The following COL4A2 variants were observed in gnomAD, a reference collection of about 807,000 sequenced individuals.
COL4A2 encodes the protein collagen alpha-2(IV) chain.
In COL4A2, 99 loss-of-function variants were observed where a neutral mutation model predicts 200.2. The ratio of observed to expected loss-of-function variants is 0.49; its 90% CI spans 0.42 to 0.58. The LOEUF is 0.58. COL4A2 is among the 20% of genes least tolerant of loss of function. The probability of loss-of-function intolerance (pLI) is 0.00; values close to 1 mark genes in which losing one functional copy is unlikely to be tolerated. For synonymous variants in COL4A2, 897 were observed against 900.6 expected (o/e 1.00, Z 0.07); for missense variants, 1,950 against 2,314.1 (o/e 0.84, Z 3.23).
chr13:110,485,382 G>A (rs999047169), intron 33 of COL4A2, among the ~76,000 whole-genome samples: 1 of 152,042 alleles, frequency 6.6e-6, no homozygotes, highest in African/African-American at 2.4e-5. Context: ...AAATTAGCCG[G>A]CATGGTGGTG....
chr13:110,466,038 G>A lies in COL4A2; in HGVS notation c.2014G>A (p.Asp672Asn), dbSNP rs756141826. The A allele has an allele frequency of 2.5e-6, 4 of 1,613,870 alleles. No homozygotes were observed. In the South Asian group the frequency reaches 4.4e-5, roughly 18 times the overall value. ...AGATGTGAAAAGGGCCGTTGGAGGT[G>A]ACAGACAGGAGGCCATCCAGCCAGG... ...DTDVKRAVGGDRQEAIQPGCI... is the reference protein window; with the variant it reads ...DTDVKRAVGGNRQEAIQPGCI... The change falls in exon 26 of 48, where the codon GAC becomes AAC. Residue 672 changes from aspartate to asparagine, a missense_variant. This residue lies in a region of COL4A2 where 1,385 missense variants were observed against 1,720.5 expected (regional missense o/e 0.80). Transcript: ENST00000360467.
At chr13:110,431,907 A>G (rs940569951) in intron 10 of COL4A2, among the ~76,000 whole-genome samples, 3 of 152,244 alleles carry the variant, frequency 2.0e-5, no homozygotes, top group Non-Finnish European at 2.9e-5. Flanking sequence ...GCCAGCTTGT[A>G]GATTCATTCT....
chr13:110,430,233 C>A, intron 8 of COL4A2, 168 bp from the exon 9 acceptor site: 1 of 812,260 alleles, frequency 1.2e-6, no homozygotes, highest in Non-Finnish European at 1.7e-6. Context: ...AAAATATATT[C>A]TGACTAAATA....
chr13:110,463,534 C>T (rs1882117116), intron 24 of COL4A2, among the ~76,000 whole-genome samples: 1 of 152,120 alleles, frequency 6.6e-6, no homozygotes, highest in African/African-American at 2.4e-5. Context: ...TTCCATAACC[C>T]ATGTCTTCTC....
At position 110,484,921 on chromosome 13, in the gene COL4A2, T is replaced by G. The variant is rs1243305212; in HGVS notation, c.2919T>G (p.Pro973=). ...EPGFKGSRGD[P]GPPGPPPVIL... ...CCCTTCCAGGCAGCCGAGGGGACCC[T>G]GGGCCCCCAGGACCACCTCCTGTCA... The change falls in exon 33 of 48, where the codon CCT becomes CCG. Residue 973 remains proline, a synonymous_variant. Coordinates refer to ENST00000360467, the MANE Select transcript of COL4A2 (RefSeq NM_001846.4). The G allele has an allele frequency of 6.2e-7, 1 of 1,611,640 alleles. No homozygotes were observed. The highest frequency in any genetic ancestry group is 1.3e-5 in the African/African-American group (1 of 74,806).
At chr13:110,465,704 G>A (rs944295458) in intron 25 of COL4A2, 98 bp downstream of exon 25, 116 of 1,156,836 alleles carry the variant, frequency 1.0e-4, no homozygotes, top group Non-Finnish European at 1.3e-4. Context: ...AGATGAGGAT[G>A]CTGTTTTGCC....
chr13:110,308,742 G>C (rs1009728071), intron 3 of COL4A2, among the ~76,000 whole-genome samples: 2 of 152,164 alleles, frequency 1.3e-5, no homozygotes, highest in Non-Finnish European at 2.9e-5. Flanking sequence ...GCCCCTCCAC[G>C]CCGGCCGTGC....
chr13:110,377,459 A>G (rs1878284578), intron 4 of COL4A2, among the ~76,000 whole-genome samples: 1 of 152,070 alleles, frequency 6.6e-6, no homozygotes, highest in Non-Finnish European at 1.5e-5. Context: ...CCCTGTATCC[A>G]TCTCCATCCC....
At chr13:110,465,701 G>T (rs1454227098) in intron 25 of COL4A2, 95 bp downstream of exon 25, 6 of 1,193,914 alleles carry the variant, frequency 5.0e-6, no homozygotes, top group Non-Finnish European at 7.0e-6. Context: ...GTCAGATGAG[G>T]ATGCTGTTTT....
chr13:110,422,437 G>T (rs1880288675), intron 4 of COL4A2, among the ~76,000 whole-genome samples: 1 of 152,210 alleles, frequency 6.6e-6, no homozygotes. Context: ...AAACACAGTG[G>T]CAATAGCTTC....
intron 4 of COL4A2, among the ~76,000 whole-genome samples, chr13:110,398,305 G>A (rs575310487): frequency 6.6e-6 from 1 of 152,038 alleles, no homozygotes; most frequent in Admixed American, 6.5e-5. Flanking sequence ...AAATGACAAC[G>A]GTAAATGTAA....
intron 3 of COL4A2, among the ~76,000 whole-genome samples, chr13:110,319,979 C>T (rs899085144): frequency 1.3e-5 from 2 of 152,204 alleles, no homozygotes; most frequent in Non-Finnish European, 2.9e-5. Flanking sequence ...AATTTCCTGC[C>T]GGTAAGTGCA....
At chr13:110,481,158 T>A (rs1334165158) in intron 31 of COL4A2, among the ~76,000 whole-genome samples, 1 of 39,228 alleles carries the variant, frequency 2.5e-5, no homozygotes, top group Non-Finnish European at 4.7e-5. Context: ...GGAGACACAC[T>A]GTTCTGTCCC....
chr13:110,396,686 CTAAGAT>C (rs1220496281), intron 4 of COL4A2, among the ~76,000 whole-genome samples: 1 of 152,152 alleles, frequency 6.6e-6, no homozygotes, highest in East Asian at 1.9e-4. Context: ...CCATGGCAGT[CTAAGAT>C]TAAGCCATTC....
intron 17 of COL4A2, among the ~76,000 whole-genome samples, chr13:110,446,381 G>C (rs1360572829): frequency 1.3e-5 from 2 of 152,148 alleles, no homozygotes; most frequent in Non-Finnish European, 2.9e-5. Context: ...GTGGTGCGCG[G>C]GATGCTGCCT....
At chr13:110,429,495 A>G (rs145792839) in intron 7 of COL4A2, among the ~76,000 whole-genome samples, 161 of 152,354 alleles carry the variant, frequency 1.1e-3, no homozygotes, top group African/African-American at 3.8e-3. Flanking sequence ...ATGACCCAGT[A>G]TCTATTCTGC....
rs373395207 is a variant in COL4A2, at chr13:110,307,859, G to C, written c.-44-1G>C. ...AAACTCGCTTTGTCTGTCGCCTCTA[G>C]GCTAAGTGGGACTGACCGGGGCCCA... On this transcript the variant is annotated splice_acceptor_variant, in intron 1 of 47. Coordinates refer to ENST00000360467, the MANE Select transcript of COL4A2 (RefSeq NM_001846.4). LOFTEE classifies it low-confidence loss of function (5UTR_SPLICE). This position sits in a 1 kb window ranked among gnomAD's most constrained non-coding sequence, Gnocchi z 5.0. 10 of 1,595,850 alleles carry C rather than the reference G, an allele frequency of 6.3e-6. No individual in the cohort carries two copies. The highest frequency in any genetic ancestry group is 8.5e-6 in the Non-Finnish European group (10 of 1,170,342).
intron 4 of COL4A2, among the ~76,000 whole-genome samples, chr13:110,376,382 C>T (rs72655780): frequency 6.6e-6 from 1 of 152,194 alleles, no homozygotes; most frequent in Non-Finnish European, 1.5e-5. Flanking sequence ...ACATGAGCCT[C>T]TGACCTGCTT....
At position 110,482,553 on chromosome 13, in the gene COL4A2, C is replaced by T. The variant is rs750753394; in HGVS notation, c.2796C>T (p.Gly932=). Residue 932 remains glycine, a synonymous_variant, in exon 32 of 48, where the codon GGC becomes GGT. Transcript: ENST00000360467. The part of the protein sequence containing the change: ...RGSPGMDGFQ[G]MPGLKGRPGF... ...CACCTGGGATGGATGGTTTCCAAGG[C>T]ATGCCTGGACTCAAAGGGAGACCCG... 1.2e-6 allele frequency: 2 copies of T among 1,614,180 alleles called. No individual in the cohort carries two copies. Among genetic ancestry groups the T allele is most frequent in the South Asian group, 1.1e-5 (1 of 91,086 alleles).
Sources: gnomAD v4.1 joint callset for allele counts (sites outside exome capture counted in the v4.1 genomes callset) on GRCh38, gnomAD v4.1.1 for gene constraint, gnomAD v4.1.1 regional missense constraint, Gnocchi (gnomAD v3.1) non-coding constraint, MANE v1.5 for transcripts, NCBI Gene and HGNC (gene_info 2026-07-23, HGNC 2026-07-21) for gene names.